The following LZTS3 variants were observed in gnomAD, a reference collection of about 807,000 sequenced individuals.
LZTS3 encodes leucine zipper putative tumor suppressor 3.
A neutral mutation model predicts 50.9 loss-of-function variants in LZTS3; 16 were observed. The ratio of observed to expected loss-of-function variants is 0.31; its 90% CI spans 0.21 to 0.48. The LOEUF (loss-of-function observed/expected upper bound fraction) is 0.48, where lower values mean the gene tolerates loss of function less well. LZTS3 is among the 20% of genes least tolerant of loss of function. LZTS3 has a pLI of 0.99. For missense variants in LZTS3, 816 were observed against 931.0 expected (o/e 0.88, Z 1.61); for synonymous variants, 408 against 410.6 (o/e 0.99, Z 0.08).
rs1298431679 is a variant in LZTS3, at chr20:3,164,282, T to C, written c.*172A>G. The C allele has an allele frequency of 4.7e-6, 3 of 635,952 alleles. No individual in the cohort carries two copies. Among genetic ancestry groups the C allele is most frequent in the Non-Finnish European group, 7.3e-6 (3 of 413,348 alleles). The allele number at this position is 635,952 out of a possible 1,614,324, so 39.4% of individuals were successfully genotyped here. A position where few individuals can be genotyped will look rare whatever the true frequency, so the allele number is the denominator to read the frequency against. On this transcript the variant is annotated 3_prime_UTR_variant, in exon 5 of 5. Transcript: ENST00000337576. ...TCCAAGTGGGCTGCCACGGGGGCAG[T>C]GCTGGAGCTAGGAGGGCAGGTGGGG...
Position 3,164,769 on chromosome 20 carries a change from C to G in LZTS3, c.1707G>C (p.Gly569=). 1 of 1,524,094 alleles carries G rather than the reference C, an allele frequency of 6.6e-7. No homozygotes were observed. Among genetic ancestry groups the G allele is most frequent in the Non-Finnish European group, 8.8e-7 (1 of 1,138,454 alleles). 94.4% of individuals were successfully genotyped at this position (1,524,094 alleles called of 1,614,324 possible). A position where few individuals can be genotyped will look rare whatever the true frequency, so the allele number is the denominator to read the frequency against. Residue 569 remains glycine (G), a synonymous_variant, in exon 5 of 5, where the codon GGG becomes GGC. Coordinates refer to ENST00000337576, the MANE Select transcript of LZTS3 (RefSeq NM_001365618.1). ...CCACCTCCCGCCGCAGGGCCCGCGT[C>G]CCGCTCTCCCCGCCAGCCTCCGCCT... ...DGEAEAGGES[G]TRALRREVGR... is the part of the protein sequence containing the mutation.
At chr20:3,170,494 A>AAAAACAAAC (rs1568493209) in intron 1 of LZTS3, among the ~76,000 whole-genome samples, 2 of 149,366 alleles carry the variant, frequency 1.3e-5, no homozygotes, top group East Asian at 3.9e-4. Context: ...ATCAAAAAAA[A>AAAAACAAAC]AAAAAAAAAA....
chr20:3,170,824 G>A (rs2066894821), intron 1 of LZTS3, among the ~76,000 whole-genome samples: 1 of 152,052 alleles, frequency 6.6e-6, no homozygotes, highest in Admixed American at 6.6e-5. Flanking sequence ...CAAAAAAAGT[G>A]GTACAAAACA....
chr20:3,166,543 C>T (rs1465613088), intron 3 of LZTS3, among the ~76,000 whole-genome samples, 162 bp downstream of exon 3: 1 of 152,124 alleles, frequency 6.6e-6, no homozygotes, highest in Non-Finnish European at 1.5e-5. Flanking sequence ...CCTTGATCTA[C>T]CCGCTAGACT....
In LZTS3 at chr20:3,164,083, G is replaced by T. The variant is rs958126990; in HGVS notation, c.*371C>A. On this transcript the variant is annotated 3_prime_UTR_variant, in exon 5 of 5. Coordinates refer to ENST00000337576, the MANE Select transcript of LZTS3 (RefSeq NM_001365618.1). The stretch of plus-strand genomic sequence containing the variant: ...CACAGAGAGCATCACTAGACACAGG[G>T]TGGCCAACAGTAGCAGCCCAGGCCT... 4 of 200,064 alleles carry T rather than the reference G, an allele frequency of 2.0e-5. No homozygotes were observed. The highest frequency in any genetic ancestry group is 9.3e-5 in the African/African-American group (4 of 43,120). The allele number at this position is 200,064 out of a possible 1,614,324, so 12.4% of individuals were successfully genotyped here.
At position 3,165,860 on chromosome 20, in the gene LZTS3, G is replaced by C. The variant is rs2066808377; in HGVS notation, c.960C>G (p.Leu320=). Residue 320 remains leucine, a synonymous_variant, in exon 4 of 5, where the codon CTC becomes CTG. Coordinates refer to ENST00000337576, the MANE Select transcript of LZTS3 (RefSeq NM_001365618.1). The surrounding 1 kb of genome is among the most constrained non-coding windows in gnomAD (Gnocchi z 5.0). ...AACSPPSPSA[L]IQELEERLWE... is the part of the protein sequence containing the mutation. ...ACAGCCGCTCCTCCAGCTCCTGGAT[G>C]AGTGCACTGGGGGAGGGCGGTGAGC... 1 of 1,606,126 alleles carries C rather than the reference G, an allele frequency of 6.2e-7. No homozygotes were observed. Among genetic ancestry groups the C allele is most frequent in the African/African-American group, 1.3e-5 (1 of 75,050 alleles).
chr20:3,165,960 G>A lies in LZTS3; in HGVS notation c.860C>T (p.Ser287Leu), dbSNP rs542381563. 1.2e-6 allele frequency: 2 copies of A among 1,613,036 alleles called. No homozygotes were observed. Among genetic ancestry groups the A allele is most frequent in the South Asian group, 1.1e-5 (1 of 91,084 alleles). ...DSGRASSKSG[S>L]SSSMGRPGHL... is the part of the protein sequence containing the mutation. ...GCCTGGCCGCCCCATAGATGACGAC[G>A]ACCCACTCTTGCTGGAGGCCCGTCC... Residue 287 changes from serine (S) to leucine (L), a missense_variant, in exon 4 of 5, where the codon TCG becomes TTG. Around this residue, in one of 3 missense-constraint regions of LZTS3, gnomAD observed 700 missense variants for 769.4 expected, o/e 0.91. Coordinates refer to ENST00000337576, the MANE Select transcript of LZTS3 (RefSeq NM_001365618.1). This position sits in a 1 kb window ranked among gnomAD's most constrained non-coding sequence, Gnocchi z 5.0.
chr20:3,164,512 T>C lies in LZTS3; in HGVS notation c.1964A>G (p.Glu655Gly). The C allele has an allele frequency of 6.3e-7, 1 of 1,588,152 alleles. No individual in the cohort carries two copies. Among genetic ancestry groups the C allele is most frequent in the Non-Finnish European group, 8.6e-7 (1 of 1,166,196 alleles). ...GGAGGGGGTCCAGGCCTTCTTCTCC[T>C]CGCCATGCTGGGGAGTGGGCGTGCT... Reference protein sequence around the residue: ...GASTPTPQHGEEKKAWTPSRL... With the variant: ...GASTPTPQHGGEKKAWTPSRL... Residue 655 changes from glutamate (E) to glycine (G), a missense_variant, in exon 5 of 5, where the codon GAG (glutamate) becomes GGG (glycine). Around this residue, in one of 3 missense-constraint regions of LZTS3, gnomAD observed 107 missense variants for 130.4 expected, o/e 0.82. Coordinates refer to ENST00000337576, the MANE Select transcript of LZTS3 (RefSeq NM_001365618.1).
chr20:3,165,392 T>C lies in LZTS3; in HGVS notation c.1323+105A>G, dbSNP rs73892828. On this transcript the variant is annotated intron_variant, in intron 4 of 4. Transcript: ENST00000337576. The surrounding 1 kb of genome is among the most constrained non-coding windows in gnomAD (Gnocchi z 5.0). Reference sequence around the variant, plus strand: ...ATTTTTGTCCCCCCTGCTCCTTTCATCCCCCCCCCCATCCCACCGTTATGA... The same window carrying C: ...ATTTTTGTCCCCCCTGCTCCTTTCACCCCCCCCCCCATCCCACCGTTATGA... 0.41 allele frequency: 338,963 copies of C among 825,028 alleles called. 63,984 individuals are homozygous for C. Among genetic ancestry groups the C allele is most frequent in the African/African-American group, 0.61 (29,545 of 48,304 alleles). 51.1% of individuals were successfully genotyped at this position (825,028 alleles called of 1,614,324 possible).
rs1423227733 is a variant in LZTS3 at position 3,166,880 on chromosome 20, T to C, written c.284A>G (p.Asn95Ser). 2 of 1,613,382 alleles carry C rather than the reference T, an allele frequency of 1.2e-6. No homozygotes were observed. Among genetic ancestry groups the C allele is most frequent in the Non-Finnish European group, 1.7e-6 (2 of 1,179,964 alleles). The change falls in exon 3 of 5, where the codon AAC becomes AGC. Residue 95 changes from asparagine (N) to serine (S), a missense_variant. Asn to Ser is a conservative substitution (Grantham distance 46). This residue lies in a region of LZTS3 where 700 missense variants were observed against 769.4 expected (regional missense o/e 0.91). Transcript: ENST00000337576. ...CAGCTCACCATTGAGGTAGAGGGAG[T>C]TGGCGAGACCCTTGTCCTCTGAGGG... Reference protein sequence around the residue: ...RYPSEDKGLANSLYLNGELRG... With the variant: ...RYPSEDKGLASSLYLNGELRG...
At chr20:3,172,822 G>A (rs147141235) in intron 1 of LZTS3, among the ~76,000 whole-genome samples, 7 of 152,224 alleles carry the variant, frequency 4.6e-5, no homozygotes, top group Non-Finnish European at 1.0e-4. Flanking sequence ...GGAGGAAAGG[G>A]ATCTGGGGGC....
rs745660091 is a variant in LZTS3, at chr20:3,164,589, G to A, written c.1887C>T (p.Arg629=). Residue 629 remains arginine (R), a synonymous_variant, in exon 5 of 5, where the codon CGC becomes CGT. Coordinates refer to ENST00000337576, the MANE Select transcript of LZTS3 (RefSeq NM_001365618.1). ...GCAGCCTGCGCTCCAGCTGCTGGTT[G>A]CGCTGGTACATCTCCACGTAGCTCA... ...LQLSYVEMYQ[R]NQQLERRLRE... is the part of the protein sequence containing the mutation. 5 of 1,611,988 alleles carry A rather than the reference G, an allele frequency of 3.1e-6. No individual in the cohort carries two copies. In the African/African-American group the frequency reaches 6.7e-5, roughly 22 times the overall value.
intron 1 of LZTS3, among the ~76,000 whole-genome samples, chr20:3,168,947 C>CA (rs2066869535): frequency 6.6e-6 from 1 of 152,208 alleles, no homozygotes; most frequent in African/African-American, 2.4e-5. Flanking sequence ...CTGGCCCCCA[C>CA]ACCAGGAATG....
At position 3,164,892 on chromosome 20, in the gene LZTS3, C is replaced by T; in HGVS notation, c.1584G>A (p.Glu528=). ...KPALTPVDPA[E]PQDALATCES... The stretch of plus-strand genomic sequence containing the variant: ...CGCAGGTGGCCAGAGCATCCTGTGG[C>T]TCGGCCGGGTCCACGGGGGTCAGCG... The change falls in exon 5 of 5, where the codon GAG becomes GAA. Residue 528 remains glutamate, a synonymous_variant. Coordinates refer to ENST00000337576, the MANE Select transcript of LZTS3 (RefSeq NM_001365618.1). 1 of 1,552,264 alleles carries T rather than the reference C, an allele frequency of 6.4e-7. No individual in the cohort carries two copies.
rs1268578586 is a variant in LZTS3, at chr20:3,164,846, G to T, written c.1630C>A (p.Arg544Ser). 1 of 1,553,504 alleles carries T rather than the reference G, an allele frequency of 6.4e-7. No individual in the cohort carries two copies. Among genetic ancestry groups the T allele is most frequent in the Non-Finnish European group, 8.7e-7 (1 of 1,155,180 alleles). ...ATCESDEAKM[R>S]RQAGVAAAAS... Reference sequence around the variant, plus strand: ...GCAGCGGCCACCCCGGCCTGACGGCGCATCTTAGCCTCGTCGCTCTCGCAG... The same window carrying T: ...GCAGCGGCCACCCCGGCCTGACGGCTCATCTTAGCCTCGTCGCTCTCGCAG... Residue 544 changes from arginine to serine, a missense_variant, in exon 5 of 5, where the codon CGC becomes AGC. Physicochemically the swap from Arg to Ser is moderately radical, Grantham distance 110 (BLOSUM62 -1). Transcript: ENST00000337576.
chr20:3,167,682 G>A (rs1289902478), intron 2 of LZTS3, 56 bp downstream of exon 2: 5 of 986,622 alleles, frequency 5.1e-6, no homozygotes, highest in Non-Finnish European at 6.0e-6. Context: ...AGGGGAGGGA[G>A]AGAAATACAC....
In LZTS3 at chr20:3,166,241, A is replaced by T; in HGVS notation, c.579T>A (p.Pro193=). The part of the protein sequence containing the change: ...TNGTPEGRQG[P]GGLKGGLDKS... Reference sequence around the variant, plus strand: ...TGTCCAGTCCGCCTTTGAGGCCACCAGGGCCCTGCCGTCCCTCAGGAGTCC... The same window carrying T: ...TGTCCAGTCCGCCTTTGAGGCCACCTGGGCCCTGCCGTCCCTCAGGAGTCC... Residue 193 remains proline (P), a synonymous_variant, in exon 4 of 5, where the codon CCT becomes CCA. Coordinates refer to ENST00000337576, the MANE Select transcript of LZTS3 (RefSeq NM_001365618.1). 6.2e-7 allele frequency: 1 copy of T among 1,613,670 alleles called. No individual in the cohort carries two copies. The highest frequency in any genetic ancestry group is 8.5e-7 in the Non-Finnish European group (1 of 1,179,808).
At position 3,165,037 on chromosome 20, in the gene LZTS3, C is replaced by T; in HGVS notation, c.1439G>A (p.Gly480Asp). The T allele has an allele frequency of 6.4e-7, 1 of 1,569,376 alleles. No homozygotes were observed. ...CTCCTTCTCCCGCAGCGAAGCCCGG[C>T]CCTCCCGCAGCTGCGAGCGCAGTCC... ...IVGLRSQLREGRASLREKEEQ... is the reference protein window; with the variant it reads ...IVGLRSQLREDRASLREKEEQ... The change falls in exon 5 of 5, where the codon GGC becomes GAC. Residue 480 changes from glycine to aspartate, a missense_variant. This residue lies in a region of LZTS3 where 700 missense variants were observed against 769.4 expected (regional missense o/e 0.91). Coordinates refer to ENST00000337576, the MANE Select transcript of LZTS3 (RefSeq NM_001365618.1). This position sits in a 1 kb window ranked among gnomAD's most constrained non-coding sequence, Gnocchi z 5.0.
chr20:3,172,306 G>A lies in LZTS3; in HGVS notation c.-243+1149C>T, dbSNP rs1051445941. Among the ~76,000 whole-genome samples the A allele has an allele frequency of 5.9e-5, 9 of 152,260 alleles. No homozygotes were observed. The East Asian group carries it at 1.5e-3, about 26-fold the overall frequency. On this transcript the variant is annotated intron_variant, in intron 1 of 4. Transcript: ENST00000337576. ...AACCTCATGCAGGTTATTTCACCTC[G>A]GGTTCTCACACCTACATTGCAGGCA...
Sources: allele counts gnomAD v4.1 joint callset (sites outside exome capture counted in the v4.1 genomes callset), GRCh38; gene constraint gnomAD v4.1.1; regional missense constraint gnomAD v4.1.1; non-coding constraint Gnocchi (gnomAD v3.1); transcripts MANE v1.5; gene names NCBI Gene and HGNC (gene_info 2026-07-23, HGNC 2026-07-21).